Variants in ADCK2 observed in about 807,000 individuals in gnomAD.
The protein encoded by ADCK2 is aarF domain containing kinase 2, also known as uncharacterized aarF domain-containing protein kinase 2.
Under a neutral mutation model 52.3 loss-of-function variants are expected in ADCK2, and 37 were observed. The ratio of observed to expected loss-of-function variants is 0.71; its 90% CI spans 0.54 to 0.93. The LOEUF is 0.93. Among genes scored for constraint, ADCK2 ranks in the 40% least tolerant of loss-of-function variants. ADCK2 has a pLI of 0.00. For missense variants in ADCK2, 695 were observed against 798.7 expected (o/e 0.87, Z 1.56); for synonymous variants, 321 against 349.2 (o/e 0.92, Z 0.90).
chr7:140,685,821 T>C (rs2130787732), intron 4 of ADCK2, among the ~76,000 whole-genome samples: 1 of 152,284 alleles, frequency 6.6e-6, no homozygotes, highest in South Asian at 2.1e-4. Flanking sequence ...CGTGGAAGGA[T>C]TGCTGGGGTT....
chr7:140,673,962 T>A lies in ADCK2; in HGVS notation c.632T>A (p.Val211Glu). 1 of 1,614,014 alleles carries A rather than the reference T, an allele frequency of 6.2e-7. No individual in the cohort carries two copies. Among genetic ancestry groups the A allele is most frequent in the Non-Finnish European group, 8.5e-7 (1 of 1,180,038 alleles). ...ENREPVGSGCVAQVYKAYANT... is the reference protein window; with the variant it reads ...ENREPVGSGCEAQVYKAYANT... ...CGGGAACCTGTGGGCTCAGGCTGCG[T>A]GGCCCAGGTGTACAAAGCATACGCC... The change falls in exon 1 of 8, where the codon GTG becomes GAG. Residue 211 changes from valine (V) to glutamate (E), a missense_variant. Physicochemically the swap from Val to Glu is moderately radical, Grantham distance 121. Coordinates refer to ENST00000072869, the MANE Select transcript of ADCK2 (RefSeq NM_052853.4). The surrounding 1 kb of genome is among the most constrained non-coding windows in gnomAD (Gnocchi z 6.4).
At chr7:140,685,480 C>G (rs1165439211) in intron 4 of ADCK2, among the ~76,000 whole-genome samples, 1 of 151,764 alleles carries the variant, frequency 6.6e-6, no homozygotes, top group Non-Finnish European at 1.5e-5. Flanking sequence ...ATACCAGGGC[C>G]AAGATTAGTG....
chr7:140,691,363 A>C (rs1453359012), intron 7 of ADCK2, among the ~76,000 whole-genome samples: 2 of 152,222 alleles, frequency 1.3e-5, no homozygotes, highest in Non-Finnish European at 2.9e-5. Context: ...AAAAATGTAG[A>C]AACAGCCTAC....
intron 4 of ADCK2, among the ~76,000 whole-genome samples, chr7:140,682,219 G>A (rs947892690): frequency 5.9e-5 from 9 of 152,174 alleles, no homozygotes; most frequent in African/African-American, 1.9e-4. Flanking sequence ...GGATAGGTAC[G>A]GGGTACCAAA....
rs1369804137 is a variant in ADCK2, at chr7:140,673,324, C to T, written c.-7C>T. On this transcript the variant is annotated 5_prime_UTR_variant, in exon 1 of 8. Transcript: ENST00000072869. This position sits in a 1 kb window ranked among gnomAD's most constrained non-coding sequence, Gnocchi z 6.4. Reference sequence around the variant, plus strand: ...GGCGGGCCGCCTGGGCCGCGGGCCTCGGGAGGATGGTGGCGCCCTGGCGCG... The same window carrying T: ...GGCGGGCCGCCTGGGCCGCGGGCCTTGGGAGGATGGTGGCGCCCTGGCGCG... The T allele has an allele frequency of 6.9e-7, 1 of 1,439,758 alleles. No individual in the cohort carries two copies. Among genetic ancestry groups the T allele is most frequent in the South Asian group, 1.5e-5 (1 of 67,210 alleles). The allele number at this position is 1,439,758 out of a possible 1,614,324, so 89.2% of individuals were successfully genotyped here. A position where few individuals can be genotyped will look rare whatever the true frequency, so the allele number is the denominator to read the frequency against.
intron 2 of ADCK2, 137 bp from the exon 3 acceptor site, chr7:140,679,018 T>G: frequency 8.7e-7 from 1 of 1,152,114 alleles, no homozygotes. Context: ...GCCTCCTGAG[T>G]TTCTGGGCAA....
rs1429407707 is a variant in ADCK2 at position 140,678,931 on chromosome 7, G to A, written c.1081-224G>A. Among the ~76,000 whole-genome samples, 3 of 152,184 alleles carry A rather than the reference G, an allele frequency of 2.0e-5. No homozygotes were observed. The highest frequency in any genetic ancestry group is 4.4e-5 in the Non-Finnish European group (3 of 68,036). On this transcript the variant is annotated intron_variant, in intron 2 of 7. Coordinates refer to ENST00000072869, the MANE Select transcript of ADCK2 (RefSeq NM_052853.4). The surrounding 1 kb of genome is among the most constrained non-coding windows in gnomAD (Gnocchi z 4.9). ...GCAGTGCAGCCCAAAGCCCACCAGG[G>A]CACCTGCCGTCTGCAGCCTCCAGGA...
rs549589493 is a variant in ADCK2 at position 140,680,961 on chromosome 7, C to T, written c.1210-81C>T. 162 of 1,234,282 alleles carry T rather than the reference C, an allele frequency of 1.3e-4. 1 individual carries two copies. The South Asian group carries it at 1.7e-3, about 13-fold the overall frequency. 76.5% of individuals were successfully genotyped at this position (1,234,282 alleles called of 1,614,324 possible). On this transcript the variant is annotated intron_variant, in intron 3 of 7. Transcript: ENST00000072869. ...TACTTCCCAATAAGTGAGAAGACAG[C>T]GCTGTGGTGCCACGTGGGAGGAGGA... is the stretch of plus-strand genomic sequence containing the variant.
In ADCK2 at chr7:140,672,951, C is replaced by G. The variant is rs946820628; in HGVS notation, c.-380C>G. Among the ~76,000 whole-genome samples the G allele has an allele frequency of 1.1e-3, 166 of 151,164 alleles. No individual in the cohort carries two copies. Among genetic ancestry groups the G allele is most frequent in the South Asian group, 7.7e-3 (37 of 4,820 alleles). ...GCGCCCTGGGCTGGTGCCCGCCACCCCAGCGATCTCATACTGGCCCCTGGG... is the reference window on the plus strand; with the variant it reads ...GCGCCCTGGGCTGGTGCCCGCCACCGCAGCGATCTCATACTGGCCCCTGGG... On this transcript the variant is annotated 5_prime_UTR_variant, in exon 1 of 8. Coordinates refer to ENST00000072869, the MANE Select transcript of ADCK2 (RefSeq NM_052853.4).
intron 2 of ADCK2, among the ~76,000 whole-genome samples, chr7:140,677,445 A>T (rs2130781083): frequency 6.6e-6 from 1 of 152,018 alleles, no homozygotes; most frequent in South Asian, 2.1e-4. Context: ...CCCTCTGTCC[A>T]TGAGTCCTGT....
Position 140,673,601 on chromosome 7 carries a change from G to T in ADCK2, c.271G>T (p.Gly91Cys). Residue 91 changes from glycine to cysteine, a missense_variant, in exon 1 of 8, where the codon GGC becomes TGC. Physicochemically the swap from Gly to Cys is radical, Grantham distance 159. Transcript: ENST00000072869. This position sits in a 1 kb window ranked among gnomAD's most constrained non-coding sequence, Gnocchi z 6.4. ...AESLPRAGPL[G>C]GVFLHLRLWL... ...GAGCCTCCCCCGAGCGGGACCTCTGGGCGGCGTCTTCCTGCATCTCCGCCT... is the reference window on the plus strand; with the variant it reads ...GAGCCTCCCCCGAGCGGGACCTCTGTGCGGCGTCTTCCTGCATCTCCGCCT... 6.2e-7 allele frequency: 1 copy of T among 1,607,708 alleles called. No homozygotes were observed.
Position 140,674,538 on chromosome 7 carries a change from G to T in ADCK2, c.934-73G>T. 3 of 1,527,860 alleles carry T rather than the reference G, an allele frequency of 2.0e-6. No individual in the cohort carries two copies. The highest frequency in any genetic ancestry group is 2.6e-6 in the Non-Finnish European group (3 of 1,134,042). The allele number at this position is 1,527,860 out of a possible 1,614,324, so 94.6% of individuals were successfully genotyped here. A position where few individuals can be genotyped will look rare whatever the true frequency, so the allele number is the denominator to read the frequency against. On this transcript the variant is annotated intron_variant, in intron 1 of 7. Coordinates refer to ENST00000072869, the MANE Select transcript of ADCK2 (RefSeq NM_052853.4). This position sits in a 1 kb window ranked among gnomAD's most constrained non-coding sequence, Gnocchi z 4.6. ...AAGCCACCTGGCTCTTGCTTGGATG[G>T]TGGGACCCAGCCCTGGCTGGGTAAA...
chr7:140,677,840 G>A (rs759395029), intron 2 of ADCK2, among the ~76,000 whole-genome samples: 2 of 152,130 alleles, frequency 1.3e-5, no homozygotes, highest in African/African-American at 2.4e-5. Context: ...TGGACCAAGT[G>A]GGGGAATAAC....
At chr7:140,676,673 G>A (rs1585842704) in intron 2 of ADCK2, among the ~76,000 whole-genome samples, 1 of 152,324 alleles carries the variant, frequency 6.6e-6, no homozygotes, top group East Asian at 1.9e-4. Context: ...GTGGGTCTGG[G>A]TATAGTGTGT....
chr7:140,674,854 T>A lies in ADCK2; in HGVS notation c.1080+97T>A, dbSNP rs1351709768. On this transcript the variant is annotated intron_variant, in intron 2 of 7. Coordinates refer to ENST00000072869, the MANE Select transcript of ADCK2 (RefSeq NM_052853.4). The surrounding 1 kb of genome is among the most constrained non-coding windows in gnomAD (Gnocchi z 4.6). ...GTTGAATGAATAATTTTCTGGTATG[T>A]CATAACTCATGTGATGTGTTAGAGC... The A allele has an allele frequency of 4.3e-6, 6 of 1,409,800 alleles. No homozygotes were observed. In the African/African-American group the frequency reaches 7.1e-5, roughly 17 times the overall value. 87.3% of individuals were successfully genotyped at this position (1,409,800 alleles called of 1,614,324 possible).
At chr7:140,694,182 G>A (rs188896298) in intron 7 of ADCK2, among the ~76,000 whole-genome samples, 1 of 152,276 alleles carries the variant, frequency 6.6e-6, no homozygotes, top group African/African-American at 2.4e-5. Flanking sequence ...GTCTCAGGAG[G>A]CTGAGGCAGA....
Position 140,674,014 on chromosome 7 carries a change from C to A in ADCK2, c.684C>A (p.Ser228Arg). 6.2e-7 allele frequency: 1 copy of A among 1,614,096 alleles called. No homozygotes were observed. The highest frequency in any genetic ancestry group is 2.2e-5 in the East Asian group (1 of 44,884). The part of the protein sequence containing the change: ...YANTAFLETD[S>R]VQRLGRASCL... ...ACACTGCCTTCCTGGAGACTGACAG[C>A]GTCCAGAGACTTGGCAGGGCCTCCT... The change falls in exon 1 of 8, where the codon AGC (serine) becomes AGA (arginine). Residue 228 changes from serine to arginine, a missense_variant. Physicochemically the swap from Ser to Arg is moderately radical, Grantham distance 110. Coordinates refer to ENST00000072869, the MANE Select transcript of ADCK2 (RefSeq NM_052853.4). This position sits in a 1 kb window ranked among gnomAD's most constrained non-coding sequence, Gnocchi z 4.6.
intron 4 of ADCK2, among the ~76,000 whole-genome samples, chr7:140,681,916 C>T (rs773088809): frequency 1.7e-4 from 26 of 152,202 alleles, no homozygotes; most frequent in Non-Finnish European, 2.8e-4. Flanking sequence ...CCACCATGCC[C>T]GGCCTCTTAA....
chr7:140,675,602 A>G (rs1794389511), intron 2 of ADCK2, among the ~76,000 whole-genome samples: 1 of 152,352 alleles, frequency 6.6e-6, no homozygotes, highest in East Asian at 1.9e-4. Context: ...GAAGTGGCAA[A>G]CATCACTTCT....
Sources: gnomAD v4.1 joint callset for allele counts (sites outside exome capture counted in the v4.1 genomes callset) on GRCh38, gnomAD v4.1.1 for gene constraint, Gnocchi (gnomAD v3.1) non-coding constraint, MANE v1.5 for transcripts, NCBI Gene and HGNC (gene_info 2026-07-23, HGNC 2026-07-21) for gene names.